MYOM1: variants seen among roughly 807,000 people sequenced by gnomAD.
MYOM1 encodes myomesin-1.
A neutral mutation model predicts 205.3 loss-of-function variants in MYOM1; 164 were observed. The ratio of observed to expected loss-of-function variants is 0.80; its 90% CI spans 0.70 to 0.91. The LOEUF (loss-of-function observed/expected upper bound fraction) is 0.91. MYOM1 is among the 40% of genes least tolerant of loss of function. The probability of loss-of-function intolerance (pLI) is 0.00; values close to 1 mark genes in which losing one functional copy is unlikely to be tolerated. For missense variants in MYOM1, 2,011 were observed against 2,127.3 expected, an observed-to-expected ratio of 0.95 and a Z score of 1.08; for synonymous variants, 772 against 789.4, an observed-to-expected ratio of 0.98 and a Z score of 0.37.
chr18:3,157,105 C>T lies in MYOM1; in HGVS notation c.1502-2017G>A, dbSNP rs544375357. 3.9e-5 allele frequency among the ~76,000 whole-genome samples: 6 copies of T among 152,300 alleles called. No homozygotes were observed. The East Asian group carries it at 9.7e-4, about 25-fold the overall frequency. On this transcript the variant is annotated intron_variant, in intron 10 of 37. Transcript: ENST00000356443. ...ACCTCTAGCCATGTCCTTTTGCTAA[C>T]GGCCTATACCACAACAACCAGGAGC...
rs1174727639 is a variant in MYOM1 at position 3,187,466 on chromosome 18, T to C, written c.929+14A>G. ...GTGTAATGAATTCTGTTAGCTTTCA[T>C]AAAGATAACATACCACGTGACACGA... On this transcript the variant is annotated intron_variant, in intron 5 of 37. Transcript: ENST00000356443. The C allele has an allele frequency of 1.2e-6, 2 of 1,608,842 alleles. No individual in the cohort carries two copies. Among genetic ancestry groups the C allele is most frequent in the Non-Finnish European group, 1.7e-6 (2 of 1,176,020 alleles).
chr18:3,094,834 T>A (rs1214095105), intron 25 of MYOM1, among the ~76,000 whole-genome samples: 1 of 151,852 alleles, frequency 6.6e-6, no homozygotes, highest in African/African-American at 2.4e-5. Flanking sequence ...GCTAGTTTTT[T>A]ATTTTTCTTT....
intron 8 of MYOM1, among the ~76,000 whole-genome samples, chr18:3,171,193 G>C (rs934106744): frequency 1.3e-5 from 2 of 152,128 alleles, no homozygotes; most frequent in Non-Finnish European, 2.9e-5. Flanking sequence ...TCTTGATTTC[G>C]TGTGTTCCCA....
chr18:3,124,271 A>T (rs1314798116), intron 19 of MYOM1, among the ~76,000 whole-genome samples: 1 of 151,050 alleles, frequency 6.6e-6, no homozygotes, highest in Non-Finnish European at 1.5e-5. Context: ...ACCCCTGCAG[A>T]ATAGCAGGCA....
At chr18:3,068,828 G>A (rs368573635) in intron 37 of MYOM1, among the ~76,000 whole-genome samples, 96 of 152,132 alleles carry the variant, frequency 6.3e-4, no homozygotes, top group African/African-American at 1.9e-3. Flanking sequence ...GAACATTTGT[G>A]TACAGGTTTT....
At chr18:3,178,095 A>G (rs1213700702) in intron 5 of MYOM1, among the ~76,000 whole-genome samples, 3 of 151,990 alleles carry the variant, frequency 2.0e-5, no homozygotes, top group African/African-American at 7.3e-5. Context: ...TACTTAAACC[A>G]TTTTCTGCCC....
intron 2 of MYOM1, among the ~76,000 whole-genome samples, chr18:3,214,169 T>A (rs2093184679): frequency 6.6e-6 from 1 of 152,216 alleles, no homozygotes; most frequent in South Asian, 2.1e-4. Context: ...TATTAGATAT[T>A]GAAAAAATAT....
At position 3,131,463 on chromosome 18, in the gene MYOM1, ACT is replaced by A; in HGVS notation, c.2416_2417del (p.Ser806LeufsTer14). 1.9e-6 allele frequency: 3 copies of A among 1,613,756 alleles called. No individual in the cohort carries two copies. Among genetic ancestry groups the A allele is most frequent in the Non-Finnish European group, 2.5e-6 (3 of 1,179,760 alleles). ...FTCHGLVTGQ[S>X]YIFRVRAVNA... Reference sequence around the variant, plus strand: ...TGACTGCTCTGACCCGGAAAATATAACTCTGACCAGTCACTAATCCATGACAA... The same window carrying A: ...TGACTGCTCTGACCCGGAAAATATAACTGACCAGTCACTAATCCATGACAA... On this transcript the variant is annotated frameshift_variant, in exon 17 of 38. Coordinates refer to ENST00000356443, the MANE Select transcript of MYOM1 (RefSeq NM_003803.4). LOFTEE classifies it high-confidence loss of function.
intron 16 of MYOM1, among the ~76,000 whole-genome samples, chr18:3,133,080 C>G (rs1324512863): frequency 6.6e-6 from 1 of 151,980 alleles, no homozygotes; most frequent in African/African-American, 2.4e-5. Flanking sequence ...AAAAGATGAA[C>G]AAAAAATGGT....
At chr18:3,240,356 TC>T in the MYOM1 span, among the ~76,000 whole-genome samples, 1 of 152,192 alleles carries the variant, frequency 6.6e-6, no homozygotes. Flanking sequence ...GTGGGAGGGA[TC>T]CGGTGGGAGG....
Position 3,193,819 on chromosome 18 carries a change from G to T in MYOM1, c.430C>A (p.Arg144Ser). 1.2e-6 allele frequency: 2 copies of T among 1,611,870 alleles called. No homozygotes were observed. The highest frequency in any genetic ancestry group is 2.2e-5 in the South Asian group (2 of 90,658). Residue 144 changes from arginine to serine, a missense_variant and splice_region_variant, in exon 3 of 38, where the codon CGT becomes AGT. Physicochemically the swap from Arg to Ser is moderately radical, Grantham distance 110. Coordinates refer to ENST00000356443, the MANE Select transcript of MYOM1 (RefSeq NM_003803.4). ...GCCAGGAAGAAAAAGCACACTCACC[G>T]TCCTGAGAAAATGGGTACCATGTAG... is the stretch of plus-strand genomic sequence containing the variant. The part of the protein sequence containing the change: ...SDYMVPIFSG[R>S]QKHVSGITDT...
In MYOM1 at chr18:3,189,436, T is replaced by C. The variant is rs1401917211; in HGVS notation, c.432-349A>G. On this transcript the variant is annotated intron_variant, in intron 3 of 37. Coordinates refer to ENST00000356443, the MANE Select transcript of MYOM1 (RefSeq NM_003803.4). This position sits in a 1 kb window ranked among gnomAD's most constrained non-coding sequence, Gnocchi z 4.8. ...GTGCAGTGGTGCGATCTCAGCTCAC[T>C]GCAACCTTGGCCTCCTTGTTCAAGC... Among the ~76,000 whole-genome samples, 2 of 151,812 alleles carry C rather than the reference T, an allele frequency of 1.3e-5. No homozygotes were observed. The highest frequency in any genetic ancestry group is 2.9e-5 in the Non-Finnish European group (2 of 67,972).
intron 20 of MYOM1, among the ~76,000 whole-genome samples, chr18:3,117,100 T>G (rs1819166025): frequency 6.6e-6 from 1 of 152,146 alleles, no homozygotes; most frequent in African/African-American, 2.4e-5. Flanking sequence ...CAAGTGGTTC[T>G]TCTGCCTCAG....
intron 1 of MYOM1, among the ~76,000 whole-genome samples, chr18:3,216,141 A>G (rs2081263806): frequency 6.6e-6 from 1 of 151,904 alleles, no homozygotes; most frequent in African/African-American, 2.4e-5. Flanking sequence ...GGTGGTGGGC[A>G]CCTGTAGTCC....
intron 2 of MYOM1, among the ~76,000 whole-genome samples, chr18:3,206,670 G>GT (rs79546650): frequency 0.18 from 27,332 of 152,122 alleles, 2,524 homozygotes; most frequent in East Asian, 0.22. Flanking sequence ...GGCAATCCCG[G>GT]TGGCCTAACA....
upstream of MYOM1, among the ~76,000 whole-genome samples, chr18:3,223,641 A>G (rs1054932625): frequency 2.0e-5 from 3 of 152,236 alleles, no homozygotes; most frequent in African/African-American, 4.8e-5. Context: ...TCAATCCACA[A>G]AGTAACTATT....
intron 14 of MYOM1, among the ~76,000 whole-genome samples, chr18:3,139,232 C>T (rs2080014884): frequency 6.6e-6 from 1 of 152,218 alleles, no homozygotes; most frequent in African/African-American, 2.4e-5. Context: ...CAAATCTTGG[C>T]TATGTTCGTT....
the MYOM1 span, among the ~76,000 whole-genome samples, chr18:3,230,635 T>C: frequency 1.3e-5 from 2 of 152,214 alleles, no homozygotes; most frequent in South Asian, 2.1e-4. Context: ...GGCCCTCTCC[T>C]GCAATCAATC....
the MYOM1 span, among the ~76,000 whole-genome samples, chr18:3,234,168 G>C: frequency 1.3e-5 from 2 of 152,132 alleles, no homozygotes; most frequent in Non-Finnish European, 2.9e-5. Flanking sequence ...TGGCTCATAG[G>C]ACGTGCTCAA....
Sources: gnomAD v4.1 joint callset for allele counts (sites outside exome capture counted in the v4.1 genomes callset) on GRCh38, gnomAD v4.1.1 for gene constraint, Gnocchi (gnomAD v3.1) non-coding constraint, MANE v1.5 for transcripts, NCBI Gene and HGNC (gene_info 2026-07-23, HGNC 2026-07-21) for gene names.